TMEM131L: variants seen among roughly 807,000 people sequenced by gnomAD.
The protein encoded by TMEM131L is transmembrane protein 131-like.
Under a neutral mutation model 192.2 loss-of-function variants are expected in TMEM131L, and 54 were observed. The ratio of observed to expected loss-of-function variants is 0.28; its 90% confidence interval spans 0.23 to 0.35. TMEM131L has a LOEUF of 0.35. TMEM131L is among the 10% of genes least tolerant of loss of function. The pLI is 1.00. For missense variants in TMEM131L, 1,888 were observed against 1,972.9 expected (o/e 0.96, Z 0.82); for synonymous variants, 701 against 704.9 (o/e 0.99, Z 0.09).
At chr4:153,597,848 G>A (rs1348685685) in intron 20 of TMEM131L, among the ~76,000 whole-genome samples, 2 of 152,108 alleles carry the variant, frequency 1.3e-5, no homozygotes, top group African/African-American at 2.4e-5. Flanking sequence ...TAGGAGGATT[G>A]CGTGAGCCTG....
intron 7 of TMEM131L, among the ~76,000 whole-genome samples, chr4:153,565,940 T>G (rs1051167449): frequency 8.5e-5 from 13 of 152,170 alleles, no homozygotes; most frequent in Admixed American, 8.5e-4. Flanking sequence ...TTCAAGCCAT[T>G]GAGATTTGGG....
chr4:153,596,842 C>T (rs1387324217), intron 20 of TMEM131L, among the ~76,000 whole-genome samples: 4 of 152,182 alleles, frequency 2.6e-5, no homozygotes, highest in African/African-American at 9.7e-5. Context: ...TTCATTGAGC[C>T]CATTGGCTCT....
At chr4:153,502,611 G>A (rs566798697) in intron 3 of TMEM131L, among the ~76,000 whole-genome samples, 1 of 152,356 alleles carries the variant, frequency 6.6e-6, no homozygotes, top group Non-Finnish European at 1.5e-5. Flanking sequence ...GGCTTCTGCT[G>A]AAAAAGTTCA....
At chr4:153,630,746 G>T (rs1734153277) in intron 31 of TMEM131L, among the ~76,000 whole-genome samples, 1 of 152,176 alleles carries the variant, frequency 6.6e-6, no homozygotes, top group Non-Finnish European at 1.5e-5. Flanking sequence ...TGTGCCCGTT[G>T]TGTGATGCTG....
chr4:153,614,356 C>T (rs561265837), intron 26 of TMEM131L, among the ~76,000 whole-genome samples: 1 of 152,258 alleles, frequency 6.6e-6, no homozygotes, highest in South Asian at 2.1e-4. Flanking sequence ...GTGGTGGTAT[C>T]CGTAGAGAAC....
Position 153,534,695 on chromosome 4 carries a change from T to A in TMEM131L, c.240-15378T>A, listed in dbSNP as rs140765028. On this transcript the variant is annotated intron_variant, in intron 3 of 34. Transcript: ENST00000409959. The stretch of plus-strand genomic sequence containing the variant: ...TGATACGCCCGCCTCGGCCTCCCAA[T>A]GTGCTAGGATTACAGGCGTGAGCCA... 2.7e-3 allele frequency among the ~76,000 whole-genome samples: 407 copies of A among 152,224 alleles called. 4 individuals carry two copies. The highest frequency in any genetic ancestry group is 9.0e-3 in the African/African-American group (376 of 41,550).
intron 3 of TMEM131L, among the ~76,000 whole-genome samples, chr4:153,508,614 T>C (rs1734142435): frequency 6.6e-6 from 1 of 152,142 alleles, no homozygotes; most frequent in African/African-American, 2.4e-5. Flanking sequence ...CCAGTAAAAA[T>C]TGATGAATGA....
chr4:153,556,936 C>A (rs754204820), intron 5 of TMEM131L, 30 bp from the exon 6 acceptor site: 6 of 1,067,352 alleles, frequency 5.6e-6, no homozygotes, highest in African/African-American at 1.6e-5. Flanking sequence ...GAGGCCATTC[C>A]AAGTGGCTGA....
At chr4:153,591,295 C>A in intron 17 of TMEM131L, 101 bp downstream of exon 17, 1 of 1,142,906 alleles carries the variant, frequency 8.7e-7, no homozygotes, top group Non-Finnish European at 1.2e-6. Flanking sequence ...ATTTCAAAGC[C>A]AAAATTAAGG....
Position 153,511,586 on chromosome 4 carries a change from T to TA in TMEM131L, c.239+37699dup, listed in dbSNP as rs746021904. Among the ~76,000 whole-genome samples the TA allele has an allele frequency of 7.9e-4, 120 of 152,176 alleles. 1 individual carries two copies. The highest frequency in any genetic ancestry group is 3.5e-3 in the Admixed American group (54 of 15,276). ...CGAACCCCCATGACACGAGTCTCCC[T>TA]ATATAACAAACCTGCACATGTATAC... On this transcript the variant is annotated intron_variant, in intron 3 of 34. Coordinates refer to ENST00000409959, the MANE Select transcript of TMEM131L (RefSeq NM_001131007.2).
chr4:153,522,752 C>T (rs907882289), intron 3 of TMEM131L, among the ~76,000 whole-genome samples: 1 of 152,188 alleles, frequency 6.6e-6, no homozygotes, highest in African/African-American at 2.4e-5. Flanking sequence ...GTGGTCATTC[C>T]CATATCTCAT....
chr4:153,591,628 G>A (rs1019808854), intron 17 of TMEM131L, among the ~76,000 whole-genome samples: 2 of 152,126 alleles, frequency 1.3e-5, no homozygotes, highest in Admixed American at 6.5e-5. Context: ...CCGGTGGCGG[G>A]AAGACTGGGC....
intron 3 of TMEM131L, among the ~76,000 whole-genome samples, chr4:153,523,113 G>C (rs1428911351): frequency 6.6e-6 from 1 of 152,118 alleles, no homozygotes; most frequent in Non-Finnish European, 1.5e-5. Context: ...ATAGTTTAAG[G>C]CCATAGGATT....
chr4:153,536,676 G>T (rs953091303), intron 3 of TMEM131L, among the ~76,000 whole-genome samples: 4 of 152,098 alleles, frequency 2.6e-5, no homozygotes, highest in Admixed American at 1.3e-4. Flanking sequence ...AGAATCGATC[G>T]ATCTATCTAG....
rs191701341 is a variant in TMEM131L, at chr4:153,515,757, T to G, written c.240-34316T>G. ...TTTCTACATTCTCACCAACCAACAG[T>G]TAATAGATGAGTTTATTATAGCCCT... On this transcript the variant is annotated intron_variant, in intron 3 of 34. Coordinates refer to ENST00000409959, the MANE Select transcript of TMEM131L (RefSeq NM_001131007.2). 7.2e-4 allele frequency among the ~76,000 whole-genome samples: 110 copies of G among 152,324 alleles called. 1 individual carries two copies. The highest frequency in any genetic ancestry group is 8.8e-5 in the Non-Finnish European group (6 of 68,020).
intron 26 of TMEM131L, among the ~76,000 whole-genome samples, chr4:153,613,418 T>C (rs1390091384): frequency 6.6e-6 from 1 of 152,226 alleles, no homozygotes; most frequent in Non-Finnish European, 1.5e-5. Context: ...TAAATTTTAA[T>C]TTTAATCTTT....
intron 7 of TMEM131L, among the ~76,000 whole-genome samples, chr4:153,567,787 A>G (rs1729323767): frequency 6.6e-6 from 1 of 152,018 alleles, no homozygotes; most frequent in Admixed American, 6.6e-5. Context: ...AGGTGATCCT[A>G]CTGCCTGGGC....
intron 3 of TMEM131L, among the ~76,000 whole-genome samples, chr4:153,501,661 A>ATCAGTTAG (rs1326246072): frequency 6.6e-6 from 1 of 152,198 alleles, no homozygotes; most frequent in Non-Finnish European, 1.5e-5. Context: ...GAAGAAGCAT[A>ATCAGTTAG]TCAGTTAGGA....
intron 1 of TMEM131L, 133 bp from the exon 2 acceptor site, chr4:153,467,078 A>AT: frequency 1.2e-6 from 1 of 853,376 alleles, no homozygotes; most frequent in Non-Finnish European, 1.9e-6. Flanking sequence ...CGCCCCTGGG[A>AT]TGGCCTCTGT....
Sources: gnomAD v4.1 joint callset for allele counts (sites outside exome capture counted in the v4.1 genomes callset) on GRCh38, gnomAD v4.1.1 for gene constraint, MANE v1.5 for transcripts, NCBI Gene and HGNC (gene_info 2026-07-23, HGNC 2026-07-21) for gene names.